The following CAMK2D variants were observed in gnomAD, a reference collection of about 807,000 sequenced individuals.
The protein encoded by CAMK2D is calcium/calmodulin dependent protein kinase II delta.
CAMK2D carries 37 observed loss-of-function variants against 84.0 expected under a neutral mutation model. That is an observed-to-expected ratio of 0.44 (90% CI 0.34 to 0.58). The LOEUF (loss-of-function observed/expected upper bound fraction) is 0.58, where lower values mean the gene tolerates loss of function less well. Among genes scored for constraint, CAMK2D ranks in the 20% least tolerant of loss-of-function variants. The probability of loss-of-function intolerance (pLI) is 0.02; values close to 1 mark genes in which losing one functional copy is unlikely to be tolerated. For synonymous variants in CAMK2D, 202 were observed against 212.5 expected, an observed-to-expected ratio of 0.95 and a Z score of 0.43; for missense variants, 448 against 652.5, an observed-to-expected ratio of 0.69 and a Z score of 3.41.
At chr4:113,671,570 G>A (rs919288175) in intron 2 of CAMK2D, among the ~76,000 whole-genome samples, 1 of 152,222 alleles carries the variant, frequency 6.6e-6, no homozygotes, top group African/African-American at 2.4e-5. Flanking sequence ...GAGCAAGCAT[G>A]AACATTTTTG....
intron 6 of CAMK2D, among the ~76,000 whole-genome samples, chr4:113,545,454 T>C (rs141310845): frequency 3.5e-4 from 54 of 152,316 alleles, no homozygotes; most frequent in African/African-American, 9.1e-4. Flanking sequence ...TAAAGGCAAG[T>C]TTTTGTTTAA....
At chr4:113,527,281 T>C (rs1021686507) in intron 8 of CAMK2D, among the ~76,000 whole-genome samples, 1 of 152,000 alleles carries the variant, frequency 6.6e-6, no homozygotes, top group Non-Finnish European at 1.5e-5. Flanking sequence ...TTCTTTTTTC[T>C]TTTTGTAGAG....
At position 113,761,207 on chromosome 4, in the gene CAMK2D, GAGGGAGTGTGCGC is replaced by G. The variant is rs1418407874; in HGVS notation, c.-152_-140del. The G allele has an allele frequency of 3.9e-6, 6 of 1,535,650 alleles. No homozygotes were observed. The East Asian group carries it at 1.4e-4, about 37-fold the overall frequency. On this transcript the variant is annotated 5_prime_UTR_variant, in exon 1 of 21. Coordinates refer to ENST00000511664, the MANE Select transcript of CAMK2D (RefSeq NM_001321571.2). Reference sequence around the variant, plus strand: ...CCTGGTCCGAAAGTAGCTCGCCCGCGAGGGAGTGTGCGCAGGGGCGGGGCGGGAGGGGAGATGA... The same window carrying G: ...CCTGGTCCGAAAGTAGCTCGCCCGCGAGGGGCGGGGCGGGAGGGGAGATGA...
chr4:113,688,748 C>T (rs2099367556), intron 2 of CAMK2D, among the ~76,000 whole-genome samples: 1 of 152,168 alleles, frequency 6.6e-6, no homozygotes, highest in African/African-American at 2.4e-5. Context: ...CACATCTTTG[C>T]TTTCCAGTTT....
At chr4:113,688,545 C>A (rs985013203) in intron 2 of CAMK2D, among the ~76,000 whole-genome samples, 1 of 152,138 alleles carries the variant, frequency 6.6e-6, no homozygotes, top group Non-Finnish European at 1.5e-5. Flanking sequence ...ACACTTCCAG[C>A]TGCCAGAGGT....
chr4:113,540,693 C>T (rs2098524790), intron 6 of CAMK2D, among the ~76,000 whole-genome samples: 1 of 152,188 alleles, frequency 6.6e-6, no homozygotes, highest in Non-Finnish European at 1.5e-5. Context: ...GGAGCTCTGT[C>T]CTCTGTGGTG....
chr4:113,721,416 T>C (rs1349339197), intron 2 of CAMK2D, among the ~76,000 whole-genome samples: 4 of 152,212 alleles, frequency 2.6e-5, no homozygotes, highest in Non-Finnish European at 5.9e-5. Context: ...GGGGATATTA[T>C]TAAAAACACT....
At chr4:113,760,879 A>G (rs2099639791) in intron 1 of CAMK2D, 125 bp downstream of exon 1, 2 of 1,206,084 alleles carry the variant, frequency 1.7e-6, no homozygotes, top group Non-Finnish European at 2.4e-6. Context: ...CTGACAAACC[A>G]GGGGCCCTCC....
chr4:113,606,914 C>G lies in CAMK2D; in HGVS notation c.275+2238G>C, dbSNP rs1196714303. On this transcript the variant is annotated intron_variant, in intron 4 of 20. Coordinates refer to ENST00000511664, the MANE Select transcript of CAMK2D (RefSeq NM_001321571.2). ...TTAAAGCAGCCAGAGAGAACTAATA[C>G]CTTATCTTTAGGGGAAAAACAATTA... Among the ~76,000 whole-genome samples, 3 of 152,066 alleles carry G rather than the reference C, an allele frequency of 2.0e-5. No homozygotes were observed. The Middle Eastern group carries it at 0.01, about 517-fold the overall frequency.
intron 2 of CAMK2D, among the ~76,000 whole-genome samples, chr4:113,714,082 G>A (rs1463903209): frequency 1.3e-5 from 2 of 151,768 alleles, no homozygotes; most frequent in Non-Finnish European, 2.9e-5. Flanking sequence ...TTCATATTTA[G>A]TCTTTTGGGG....
chr4:113,642,882 T>C (rs528787119), intron 3 of CAMK2D, among the ~76,000 whole-genome samples: 1 of 152,160 alleles, frequency 6.6e-6, no homozygotes, highest in Non-Finnish European at 1.5e-5. Context: ...CACTGGAAAT[T>C]ATGGTTGCAA....
chr4:113,653,606 T>C (rs918808771), intron 3 of CAMK2D, among the ~76,000 whole-genome samples: 1 of 152,044 alleles, frequency 6.6e-6, no homozygotes, highest in Non-Finnish European at 1.5e-5. Context: ...GACTTTTAAT[T>C]GTCATTCATA....
At chr4:113,665,230 A>G (rs1305222494) in intron 2 of CAMK2D, among the ~76,000 whole-genome samples, 1 of 152,170 alleles carries the variant, frequency 6.6e-6, no homozygotes, top group South Asian at 2.1e-4. Flanking sequence ...GCACTCTCCC[A>G]CTGGGACATG....
At chr4:113,738,443 G>GT (rs2099586067) in intron 2 of CAMK2D, among the ~76,000 whole-genome samples, 1 of 152,088 alleles carries the variant, frequency 6.6e-6, no homozygotes, top group African/African-American at 2.4e-5. Context: ...GTGTGGGAAA[G>GT]TTAAGCAGTC....
chr4:113,598,851 A>G (rs1591730058), intron 4 of CAMK2D, among the ~76,000 whole-genome samples: 1 of 152,096 alleles, frequency 6.6e-6, no homozygotes, highest in East Asian at 1.9e-4. Context: ...TCTTTTTAGT[A>G]GAGATGGGGT....
intron 8 of CAMK2D, among the ~76,000 whole-genome samples, chr4:113,520,674 T>C (rs2098344658): frequency 6.6e-6 from 1 of 152,034 alleles, no homozygotes; most frequent in South Asian, 2.1e-4. Flanking sequence ...AAATGTTGGG[T>C]ATCTCTCATG....
chr4:113,665,237 C>T (rs952207364), intron 2 of CAMK2D, among the ~76,000 whole-genome samples: 10 of 152,326 alleles, frequency 6.6e-5, no homozygotes, highest in African/African-American at 2.2e-4. Flanking sequence ...CCCACTGGGA[C>T]ATGTTTTGAC....
At chr4:113,587,569 A>C (rs1046095914) in intron 4 of CAMK2D, among the ~76,000 whole-genome samples, 1 of 152,162 alleles carries the variant, frequency 6.6e-6, no homozygotes, top group Non-Finnish European at 1.5e-5. Context: ...TGAACAACTA[A>C]AGAGAACTGA....
chr4:113,709,746 G>GAGATATATATAT (rs1554070631), intron 2 of CAMK2D, among the ~76,000 whole-genome samples: 5 of 49,800 alleles, frequency 1.0e-4, no homozygotes, highest in African/African-American at 3.4e-4. Flanking sequence ...AGCCGTGAAC[G>GAGATATATATAT]ATATATATAT....
Sources: gnomAD v4.1 joint callset for allele counts (sites outside exome capture counted in the v4.1 genomes callset) on GRCh38, gnomAD v4.1.1 for gene constraint, MANE v1.5 for transcripts, NCBI Gene and HGNC (gene_info 2026-07-23, HGNC 2026-07-21) for gene names.